PROX1: variants seen among roughly 807,000 people sequenced by gnomAD.
PROX1 encodes the protein prospero homeobox protein 1.
PROX1 carries 7 observed loss-of-function variants against 58.8 expected under a neutral mutation model. The observed-to-expected ratio is 0.12, with a 90% CI of 0.07 to 0.22. PROX1 has a LOEUF of 0.22. Among genes scored for constraint, PROX1 ranks in the 10% least tolerant of loss-of-function variants. The probability of loss-of-function intolerance (pLI) is 1.00; values close to 1 mark genes in which losing one functional copy is unlikely to be tolerated. For synonymous variants in PROX1, 350 were observed against 358.3 expected, an observed-to-expected ratio of 0.98 and a Z score of 0.26; for missense variants, 675 against 927.8, an observed-to-expected ratio of 0.73 and a Z score of 3.54.
At chr1:213,983,382 C>A, upstream of PROX1, 1 of 152,802 alleles carries the variant, frequency 6.5e-6, no homozygotes, top group Non-Finnish European at 1.5e-5. Context: ...GGCGTGAAGG[C>A]AGCAGGCGGC....
At chr1:214,029,382 GGTTCTTCTTTTGT>G (rs1362218445) in intron 4 of PROX1, 1 of 152,078 alleles carries the variant, frequency 6.6e-6, no homozygotes, top group Non-Finnish European at 1.5e-5. Context: ...AGCAAAGTTT[GGTTCTTCTTTTGT>G]GCTCTTATAT....
chr1:214,012,231 A>G (rs1345569120), intron 4 of PROX1, among the ~76,000 whole-genome samples: 3 of 152,206 alleles, frequency 2.0e-5, no homozygotes, highest in Non-Finnish European at 2.9e-5. Flanking sequence ...TTTACTAAGT[A>G]CATAGCATAA....
intron 3 of PROX1, 25 bp from the exon 4 acceptor site, chr1:214,011,496 C>A (rs756703564): frequency 1.3e-6 from 2 of 1,582,328 alleles, no homozygotes; most frequent in East Asian, 4.5e-5. Context: ...ATGTTCTTAT[C>A]CTTTTCAACA....
In PROX1 at chr1:214,035,969, T is replaced by G. The variant is rs1286499715; in HGVS notation, c.*135T>G. 1.5e-6 allele frequency: 1 copy of G among 654,532 alleles called. No individual in the cohort carries two copies. Among genetic ancestry groups the G allele is most frequent in the Non-Finnish European group, 2.3e-6 (1 of 434,076 alleles). The allele number at this position is 654,532 out of a possible 1,614,324, so 40.5% of individuals were successfully genotyped here. On this transcript the variant is annotated 3_prime_UTR_variant, in exon 5 of 5. Transcript: ENST00000366958. ...ATATGTTATGAAATCAGCTGGTAATTCCTCCTCATCACGTTTCTCTCATTT... is the reference window on the plus strand; with the variant it reads ...ATATGTTATGAAATCAGCTGGTAATGCCTCCTCATCACGTTTCTCTCATTT...
chr1:213,983,467 T>C (rs1332977243), upstream of PROX1: 3 of 152,328 alleles, frequency 2.0e-5, no homozygotes, highest in Admixed American at 2.0e-4. Context: ...AGTGTAGCGG[T>C]GCCCAGAGGC....
At chr1:213,994,628 C>G (rs1286890746) in intron 1 of PROX1, among the ~76,000 whole-genome samples, 2 of 151,222 alleles carry the variant, frequency 1.3e-5, no homozygotes, top group African/African-American at 4.9e-5. Context: ...TTGAAAGGGT[C>G]TCAATCATTC....
chr1:214,005,267 G>T lies in PROX1; in HGVS notation c.1828G>T (p.Val610Leu). ...TATGCTGAAGACCTACTTCTCCGACGTAAAGGTAGGGACTTTTTTTATTCT... is the reference window on the plus strand; with the variant it reads ...TATGCTGAAGACCTACTTCTCCGACTTAAAGGTAGGGACTTTTTTTATTCT... ...SNMLKTYFSDVKFNRCITSQL... is the reference protein window; with the variant it reads ...SNMLKTYFSDLKFNRCITSQL... The change falls in exon 3 of 5, where the codon GTA (valine) becomes TTA (leucine). Residue 610 changes from valine to leucine, a missense_variant. Val to Leu is a conservative substitution (Grantham distance 32). Around this residue, in one of 8 missense-constraint regions of PROX1, gnomAD observed 39 missense variants for 73.4 expected, o/e 0.53. Coordinates refer to ENST00000366958, the MANE Select transcript of PROX1 (RefSeq NM_001270616.2). 6.2e-7 allele frequency: 1 copy of T among 1,607,044 alleles called. No homozygotes were observed. The highest frequency in any genetic ancestry group is 8.5e-7 in the Non-Finnish European group (1 of 1,174,292).
intron 1 of PROX1, among the ~76,000 whole-genome samples, chr1:213,994,182 G>T (rs1663142289): frequency 6.6e-6 from 1 of 152,182 alleles, no homozygotes; most frequent in South Asian, 2.1e-4. Flanking sequence ...AGCCTCTGTG[G>T]CAGAGCTGCT....
At chr1:213,989,898 A>AAG (rs1301281366) in intron 1 of PROX1, 4 of 152,356 alleles carry the variant, frequency 2.6e-5, no homozygotes, top group Admixed American at 2.6e-4. Context: ...GCTTAGTCTT[A>AAG]AATAGCTCAA....
chr1:214,031,064 T>TGC (rs1443419486), intron 4 of PROX1, among the ~76,000 whole-genome samples: 292 of 141,786 alleles, frequency 2.1e-3, no homozygotes, highest in African/African-American at 7.5e-3. Context: ...TGTGTGTGTG[T>TGC]GTGCGCGCGC....
chr1:214,004,910 C>T (rs938345550), intron 2 of PROX1, among the ~76,000 whole-genome samples: 3 of 152,208 alleles, frequency 2.0e-5, no homozygotes, highest in African/African-American at 7.2e-5. Context: ...TTGCCATCCT[C>T]ACCCTAAAGT....
In PROX1 at chr1:213,997,387, G is replaced by A; in HGVS notation, c.852G>A (p.Leu284=). 1 of 1,614,100 alleles carries A rather than the reference G, an allele frequency of 6.2e-7. No homozygotes were observed. Among genetic ancestry groups the A allele is most frequent in the Non-Finnish European group, 8.5e-7 (1 of 1,180,022 alleles). ...LSEDSMRSEI[L]DARAQDSVGR... ...AAGACAGCATGCGCTCGGAGATCCT[G>A]GATGCCAGGGCCCAGGACTCTGTCG... The change falls in exon 2 of 5, where the codon CTG becomes CTA. Residue 284 remains leucine (L), a synonymous_variant. Coordinates refer to ENST00000366958, the MANE Select transcript of PROX1 (RefSeq NM_001270616.2). The surrounding 1 kb of genome is among the most constrained non-coding windows in gnomAD (Gnocchi z 7.1).
intron 3 of PROX1, among the ~76,000 whole-genome samples, chr1:214,009,672 T>C (rs560380675): frequency 1.3e-5 from 2 of 152,136 alleles, no homozygotes; most frequent in Non-Finnish European, 2.9e-5. Flanking sequence ...CATTCGTAAA[T>C]AATGGCAAGT....
chr1:214,006,171 C>T (rs1421101942), intron 3 of PROX1, among the ~76,000 whole-genome samples: 2 of 151,488 alleles, frequency 1.3e-5, no homozygotes, highest in Admixed American at 1.3e-4. Flanking sequence ...CCTCCCCTGC[C>T]CACCCCCATA....
In PROX1 at chr1:214,041,088, G is replaced by A. The variant is rs1664995163; in HGVS notation, c.*5254G>A. ...GGGTGGGAAAGGGGTTTTACTTTGTGTGTTTTAAGCTTTTGTATACTCTCC... is the reference window on the plus strand; with the variant it reads ...GGGTGGGAAAGGGGTTTTACTTTGTATGTTTTAAGCTTTTGTATACTCTCC... On this transcript the variant is annotated 3_prime_UTR_variant, in exon 5 of 5. Coordinates refer to ENST00000366958, the MANE Select transcript of PROX1 (RefSeq NM_001270616.2). 1 of 152,042 alleles carries A rather than the reference G, an allele frequency of 6.6e-6. No homozygotes were observed. The highest frequency in any genetic ancestry group is 2.1e-4 in the South Asian group (1 of 4,828). The allele number at this position is 152,042 out of a possible 1,614,324, so 9.4% of individuals were successfully genotyped here.
At chr1:214,033,591 C>G (rs1490651169) in intron 4 of PROX1, among the ~76,000 whole-genome samples, 2 of 152,150 alleles carry the variant, frequency 1.3e-5, no homozygotes, top group Non-Finnish European at 2.9e-5. Context: ...GAGCAAAACT[C>G]CATCTCAAAT....
intron 4 of PROX1, among the ~76,000 whole-genome samples, chr1:214,027,472 C>T (rs998883624): frequency 2.0e-5 from 3 of 152,154 alleles, no homozygotes; most frequent in Admixed American, 6.5e-5. Flanking sequence ...CACCTAAGTA[C>T]ATTTTCTATT....
Position 214,038,257 on chromosome 1 carries a change from C to CTT in PROX1, c.*2425_*2426dup, listed in dbSNP as rs1664893449. On this transcript the variant is annotated 3_prime_UTR_variant, in exon 5 of 5. Coordinates refer to ENST00000366958, the MANE Select transcript of PROX1 (RefSeq NM_001270616.2). The stretch of plus-strand genomic sequence containing the variant: ...TTGCAGCATGAGGATAAACTCACCT[C>CTT]TTTGTTCTGAAAATAGAACTTTATC... 1.3e-5 allele frequency: 2 copies of CTT among 152,158 alleles called. No individual in the cohort carries two copies. The highest frequency in any genetic ancestry group is 4.1e-4 in the South Asian group (2 of 4,834). 9.4% of individuals were successfully genotyped at this position (152,158 alleles called of 1,614,324 possible). A position where few individuals can be genotyped will look rare whatever the true frequency, so the allele number is the denominator to read the frequency against.
At chr1:214,009,929 A>G (rs2102727738) in intron 3 of PROX1, among the ~76,000 whole-genome samples, 1 of 152,260 alleles carries the variant, frequency 6.6e-6, no homozygotes, top group South Asian at 2.1e-4. Context: ...GGGGGCCTGT[A>G]GTCCTTATCT....
Sources: allele counts gnomAD v4.1 joint callset (sites outside exome capture counted in the v4.1 genomes callset), GRCh38; gene constraint gnomAD v4.1.1; regional missense constraint gnomAD v4.1.1; non-coding constraint Gnocchi (gnomAD v3.1); transcripts MANE v1.5; gene names NCBI Gene and HGNC (gene_info 2026-07-23, HGNC 2026-07-21).